Variants in CNTN4 observed in about 807,000 individuals in gnomAD.
CNTN4 encodes contactin-4.
Under a neutral mutation model 122.5 loss-of-function variants are expected in CNTN4, and 77 were observed. The ratio of observed to expected loss-of-function variants is 0.63; its 90% CI spans 0.52 to 0.76. The LOEUF (loss-of-function observed/expected upper bound fraction) is 0.76. Ranked by LOEUF, CNTN4 falls within the 30% of genes least tolerant of loss-of-function variation. The probability of loss-of-function intolerance (pLI) is 0.00; values close to 1 mark genes in which losing one functional copy is unlikely to be tolerated. For synonymous variants in CNTN4, 512 were observed against 447.0 expected (o/e 1.15, Z -1.83); for missense variants, 1,256 against 1,259.1 (o/e 1.00, Z 0.04).
At chr3:2,756,371 C>A (rs907078003) in intron 6 of CNTN4, among the ~76,000 whole-genome samples, 3 of 152,180 alleles carry the variant, frequency 2.0e-5, no homozygotes, top group African/African-American at 4.8e-5. Context: ...CTTGCTCCTT[C>A]TGCCATGTGA....
At chr3:2,322,954 A>AG in intron 2 of CNTN4, among the ~76,000 whole-genome samples, 1 of 152,186 alleles carries the variant, frequency 6.6e-6, no homozygotes, top group African/African-American at 2.4e-5. Context: ...GGAATACTGG[A>AG]GGATTACCGA....
intron 4 of CNTN4, among the ~76,000 whole-genome samples, chr3:2,711,635 C>G (rs543752141): frequency 6.6e-6 from 1 of 152,114 alleles, no homozygotes; most frequent in Admixed American, 6.5e-5. Flanking sequence ...AAATGCTAAA[C>G]GCAGAGAGGA....
chr3:3,022,332 A>G (rs926617523), intron 14 of CNTN4, among the ~76,000 whole-genome samples: 1 of 152,172 alleles, frequency 6.6e-6, no homozygotes, highest in Non-Finnish European at 1.5e-5. Context: ...GAGCGCAAGA[A>G]TTTGAAGTTA....
At position 3,030,839 on chromosome 3, in the gene CNTN4, T is replaced by C. The variant is rs1699100955; in HGVS notation, c.1663-16T>C. On this transcript the variant is annotated splice_polypyrimidine_tract_variant and intron_variant, in intron 15 of 24. Coordinates refer to ENST00000418658, the MANE Select transcript of CNTN4 (RefSeq NM_175607.3). Reference sequence around the variant, plus strand: ...CATTAAAAAGTAATTGCAGCCACTTTCCCCTACTTTATCAGCAGGATTCAG... The same window carrying C: ...CATTAAAAAGTAATTGCAGCCACTTCCCCCTACTTTATCAGCAGGATTCAG... 1.2e-6 allele frequency: 2 copies of C among 1,613,688 alleles called. No homozygotes were observed. The highest frequency in any genetic ancestry group is 4.5e-5 in the East Asian group (2 of 44,872).
chr3:2,501,105 C>A (rs1354147678), intron 3 of CNTN4, among the ~76,000 whole-genome samples: 1 of 152,126 alleles, frequency 6.6e-6, no homozygotes, highest in African/African-American at 2.4e-5. Context: ...GTTGTCATTG[C>A]ATGGTGTATT....
chr3:2,965,571 C>G (rs74339920), intron 13 of CNTN4, among the ~76,000 whole-genome samples: 2,643 of 152,292 alleles, frequency 0.017, 73 homozygotes, highest in African/African-American at 0.06. Flanking sequence ...CTTGCAGGAA[C>G]TTTTCTGCCT....
At chr3:2,462,014 T>G (rs1184834975) in intron 3 of CNTN4, among the ~76,000 whole-genome samples, 1 of 152,130 alleles carries the variant, frequency 6.6e-6, no homozygotes, top group Non-Finnish European at 1.5e-5. Flanking sequence ...TTATCACAAC[T>G]TTGGGGGAGG....
At chr3:2,845,143 A>G (rs1038233633) in intron 7 of CNTN4, among the ~76,000 whole-genome samples, 1 of 152,192 alleles carries the variant, frequency 6.6e-6, no homozygotes, top group Non-Finnish European at 1.5e-5. Context: ...AAACAAGCCA[A>G]TAAAAAAATT....
At chr3:2,123,648 T>C (rs781204852) in intron 2 of CNTN4, among the ~76,000 whole-genome samples, 2 of 152,226 alleles carry the variant, frequency 1.3e-5, no homozygotes, top group Non-Finnish European at 2.9e-5. Flanking sequence ...TGTAGTTTTC[T>C]AGCGCTACAC....
intron 14 of CNTN4, among the ~76,000 whole-genome samples, chr3:2,998,871 G>T (rs78575617): frequency 6.6e-6 from 1 of 152,100 alleles, no homozygotes; most frequent in Admixed American, 6.6e-5. Context: ...GTGACATGAC[G>T]CCAACTTCAG....
chr3:2,905,366 C>T (rs567552457), intron 12 of CNTN4, among the ~76,000 whole-genome samples: 13 of 152,272 alleles, frequency 8.5e-5, no homozygotes, highest in Middle Eastern at 3.4e-3. Flanking sequence ...CCAGCATGGC[C>T]GGGTTCCGGT....
chr3:2,300,520 G>GCC lies in CNTN4; in HGVS notation c.-144-38655_-144-38654dup, dbSNP rs113832787. On this transcript the variant is annotated intron_variant, in intron 2 of 24. Transcript: ENST00000418658. ...TATGAGTCCTTGCTCTTTCCATTTA[G>GCC]CCCCATCAAAAGGGATGAGTTTATT... Among the ~76,000 whole-genome samples the GCC allele has an allele frequency of 3.8e-3, 527 of 139,452 alleles. 9 individuals are homozygous for GCC. The highest frequency in any genetic ancestry group is 0.013 in the African/African-American group (496 of 38,258). The allele number at this position is 139,452 out of a possible 152,430, so 91.5% of individuals were successfully genotyped here. A position where few individuals can be genotyped will look rare whatever the true frequency, so the allele number is the denominator to read the frequency against.
intron 13 of CNTN4, among the ~76,000 whole-genome samples, chr3:2,948,394 C>T (rs12495321): frequency 0.074 from 11,228 of 152,158 alleles, 475 homozygotes; most frequent in Middle Eastern, 0.13. Flanking sequence ...AGGAGTGCTT[C>T]GTACTCATTT....
At chr3:2,833,609 G>A (rs1274445862) in intron 7 of CNTN4, among the ~76,000 whole-genome samples, 1 of 138,394 alleles carries the variant, frequency 7.2e-6, no homozygotes, top group Non-Finnish European at 1.5e-5. Flanking sequence ...AAAAAATTAT[G>A]GTATTTTTTA....
rs544403121 is a variant in CNTN4 at position 2,544,873 on chromosome 3, A to C, written c.-88-26543A>C. Among the ~76,000 whole-genome samples, 7 of 150,712 alleles carry C rather than the reference A, an allele frequency of 4.6e-5. No homozygotes were observed. In the South Asian group the frequency reaches 1.5e-3, roughly 32 times the overall value. On this transcript the variant is annotated intron_variant, in intron 3 of 24. Coordinates refer to ENST00000418658, the MANE Select transcript of CNTN4 (RefSeq NM_175607.3). ...GGTTTTTCACATCTCAATTTCCTTCAGTTCAGCTCTGATTTTGGTTATTTC... is the reference window on the plus strand; with the variant it reads ...GGTTTTTCACATCTCAATTTCCTTCCGTTCAGCTCTGATTTTGGTTATTTC...
chr3:2,720,746 C>A lies in CNTN4; in HGVS notation c.56-15469C>A, dbSNP rs145100537. 2.2e-3 allele frequency among the ~76,000 whole-genome samples: 328 copies of A among 152,270 alleles called. 1 individual carries two copies. The highest frequency in any genetic ancestry group is 7.6e-3 in the African/African-American group (314 of 41,552). The stretch of plus-strand genomic sequence containing the variant: ...AGAATTTAAAGACATTTTGTGTTTA[C>A]ATACTTGTGTAAGAATTATTAGGTG... On this transcript the variant is annotated intron_variant, in intron 4 of 24. Transcript: ENST00000418658.
At chr3:2,470,428 A>G (rs1459580801) in intron 3 of CNTN4, among the ~76,000 whole-genome samples, 2 of 152,122 alleles carry the variant, frequency 1.3e-5, no homozygotes. Flanking sequence ...GCTTCTCAAC[A>G]GTGTAATTTT....
chr3:2,333,732 C>A (rs978468095), intron 2 of CNTN4, among the ~76,000 whole-genome samples: 13 of 152,112 alleles, frequency 8.5e-5, no homozygotes, highest in African/African-American at 3.1e-4. Flanking sequence ...CCAATTCTGA[C>A]TGAAAAATGC....
chr3:2,185,890 G>C (rs529041486), intron 2 of CNTN4, among the ~76,000 whole-genome samples: 4 of 151,718 alleles, frequency 2.6e-5, no homozygotes, highest in Admixed American at 1.3e-4. Context: ...CATATCCTTG[G>C]AACCATTGGT....
Sources: gnomAD v4.1 joint callset for allele counts (sites outside exome capture counted in the v4.1 genomes callset) on GRCh38, gnomAD v4.1.1 for gene constraint, MANE v1.5 for transcripts, NCBI Gene and HGNC (gene_info 2026-07-23, HGNC 2026-07-21) for gene names.